The following DOCK4 variants were observed in gnomAD, a reference collection of about 807,000 sequenced individuals.
DOCK4 encodes dedicator of cytokinesis 4.
DOCK4 carries 97 observed loss-of-function variants against 268.1 expected under a neutral mutation model. The observed-to-expected ratio is 0.36, with a 90% CI of 0.31 to 0.43. The LOEUF (loss-of-function observed/expected upper bound fraction) is 0.43. Ranked by LOEUF, DOCK4 falls within the 20% of genes least tolerant of loss-of-function variation. The pLI is 1.00. For synonymous variants in DOCK4, 954 were observed against 887.2 expected (o/e 1.08, Z -1.34); for missense variants, 2,145 against 2,455.7 (o/e 0.87, Z 2.67).
chr7:111,765,796 C>G (rs2133639269), intron 38 of DOCK4, among the ~76,000 whole-genome samples: 1 of 152,298 alleles, frequency 6.6e-6, no homozygotes, highest in Non-Finnish European at 1.5e-5. Flanking sequence ...GGGCTGAAAG[C>G]TCTTAAGTGC....
At chr7:111,871,350 A>C (rs1296929931) in intron 20 of DOCK4, among the ~76,000 whole-genome samples, 1 of 152,212 alleles carries the variant, frequency 6.6e-6, no homozygotes, top group Non-Finnish European at 1.5e-5. Context: ...ATTATCAACT[A>C]TGTTGAGAGG....
chr7:112,116,221 A>C (rs1043441096), intron 1 of DOCK4, among the ~76,000 whole-genome samples: 3 of 151,926 alleles, frequency 2.0e-5, no homozygotes, highest in East Asian at 1.9e-4. Flanking sequence ...GTCTCTACAG[A>C]TTTACCTATT....
At position 112,206,195 on chromosome 7, in the gene DOCK4, TCA is replaced by T. The variant is rs1056696052; in HGVS notation, c.-59_-58del. On this transcript the variant is annotated 5_prime_UTR_variant, in exon 1 of 53. Coordinates refer to ENST00000428084, the MANE Select transcript of DOCK4 (RefSeq NM_001363540.2). ...GTAATCCCCGCGCCCCTTCTCCGGC[TCA>T]CAACAATGCACAGTCCCCGAGCAGC... The T allele has an allele frequency of 4.6e-6, 7 of 1,528,802 alleles. No individual in the cohort carries two copies. Among genetic ancestry groups the T allele is most frequent in the Non-Finnish European group, 6.2e-6 (7 of 1,125,850 alleles). 94.7% of individuals were successfully genotyped at this position (1,528,802 alleles called of 1,614,324 possible).
At chr7:111,738,073 A>ATAAC (rs1795629338) in intron 49 of DOCK4, among the ~76,000 whole-genome samples, 2 of 152,198 alleles carry the variant, frequency 1.3e-5, no homozygotes. Context: ...TGGAGTAGAA[A>ATAAC]TAACTATTTT....
chr7:112,145,432 C>T (rs1176413313), intron 1 of DOCK4, among the ~76,000 whole-genome samples: 4 of 152,186 alleles, frequency 2.6e-5, no homozygotes, highest in Non-Finnish European at 5.9e-5. Flanking sequence ...AACTGAGGCA[C>T]ATGCAGGCAT....
chr7:111,981,444 T>C (rs1798603171), intron 7 of DOCK4, among the ~76,000 whole-genome samples: 1 of 152,224 alleles, frequency 6.6e-6, no homozygotes, highest in Non-Finnish European at 1.5e-5. Flanking sequence ...TGGGATGATC[T>C]GTGCAGCAAA....
At chr7:112,020,099 C>T (rs1346412069) in intron 1 of DOCK4, among the ~76,000 whole-genome samples, 1 of 152,198 alleles carries the variant, frequency 6.6e-6, no homozygotes, top group Non-Finnish European at 1.5e-5. Context: ...TCTCAATCAC[C>T]ACCTGCTCCG....
intron 42 of DOCK4, among the ~76,000 whole-genome samples, chr7:111,750,133 G>C (rs1796535486): frequency 6.6e-6 from 1 of 152,202 alleles, no homozygotes; most frequent in African/African-American, 2.4e-5. Context: ...GGCAGGAGAT[G>C]TTCAAGTGAT....
intron 1 of DOCK4, among the ~76,000 whole-genome samples, chr7:112,077,421 C>G (rs1005266718): frequency 6.6e-6 from 1 of 151,966 alleles, no homozygotes; most frequent in Non-Finnish European, 1.5e-5. Flanking sequence ...ACTTTTTATA[C>G]TACAAAAATA....
intron 13 of DOCK4, among the ~76,000 whole-genome samples, chr7:111,914,679 C>T (rs549079517): frequency 1.3e-5 from 2 of 152,274 alleles, no homozygotes; most frequent in African/African-American, 4.8e-5. Context: ...TTCTTACCTA[C>T]CACAAATCTC....
intron 1 of DOCK4, among the ~76,000 whole-genome samples, chr7:112,026,326 T>C (rs966660860): frequency 1.3e-5 from 2 of 152,160 alleles, no homozygotes; most frequent in Non-Finnish European, 2.9e-5. Context: ...GGGATCTAGG[T>C]TGCACGCTCC....
At chr7:112,049,503 C>T (rs1196571444) in intron 1 of DOCK4, among the ~76,000 whole-genome samples, 2 of 151,918 alleles carry the variant, frequency 1.3e-5, no homozygotes, top group East Asian at 1.9e-4. Context: ...AAATAGAATA[C>T]ATATAGCAAG....
chr7:112,131,314 T>A (rs552663661), intron 1 of DOCK4, among the ~76,000 whole-genome samples: 3 of 152,136 alleles, frequency 2.0e-5, no homozygotes, highest in Non-Finnish European at 2.9e-5. Context: ...ATTCCCTGTG[T>A]ACCTGGGAAG....
intron 1 of DOCK4, among the ~76,000 whole-genome samples, chr7:112,167,657 CCTTTGGAGTTTATG>C: frequency 6.6e-6 from 1 of 152,134 alleles, no homozygotes; most frequent in Non-Finnish European, 1.5e-5. Context: ...TTATTATCAT[CCTTTGGAGTTTATG>C]CTTTGGGGCT....
Position 112,206,142 on chromosome 7 carries a change from TA to T in DOCK4, c.-5del. 6.3e-7 allele frequency: 1 copy of T among 1,582,194 alleles called. No individual in the cohort carries two copies. The highest frequency in any genetic ancestry group is 8.6e-7 in the Non-Finnish European group (1 of 1,163,842). ...CGTGCTCCGTAGGTATCCACATGGC[TA>T]AAGGGGCTCCGGGGTCTTCAGGCTT... On this transcript the variant is annotated 5_prime_UTR_variant, in exon 1 of 53. Transcript: ENST00000428084.
chr7:111,875,775 C>T (rs1806809571), intron 17 of DOCK4, among the ~76,000 whole-genome samples: 1 of 152,148 alleles, frequency 6.6e-6, no homozygotes, highest in South Asian at 2.1e-4. Flanking sequence ...CCTGCTGGCA[C>T]CTTGATTTTA....
intron 15 of DOCK4, among the ~76,000 whole-genome samples, chr7:111,899,254 C>A (rs751058511): frequency 6.6e-6 from 1 of 152,226 alleles, no homozygotes; most frequent in Non-Finnish European, 1.5e-5. Flanking sequence ...GGGTAAAATA[C>A]AACATCACTG....
At chr7:111,804,972 GGAT>G (rs1800567832) in intron 30 of DOCK4, among the ~76,000 whole-genome samples, 1 of 152,114 alleles carries the variant, frequency 6.6e-6, no homozygotes, top group Non-Finnish European at 1.5e-5. Context: ...TATATGAGCA[GGAT>G]GATGTGTTCA....
chr7:111,790,352 C>T, intron 31 of DOCK4, 105 bp downstream of exon 31: 2 of 1,388,878 alleles, frequency 1.4e-6, no homozygotes, highest in Non-Finnish European at 2.0e-6. Flanking sequence ...TCTAGGTCTG[C>T]TGACCCAGTG....
Sources: allele counts gnomAD v4.1 joint callset (sites outside exome capture counted in the v4.1 genomes callset), GRCh38; gene constraint gnomAD v4.1.1; transcripts MANE v1.5; gene names NCBI Gene and HGNC (gene_info 2026-07-23, HGNC 2026-07-21).